Variants in NUDT7 observed in about 807,000 individuals in gnomAD.
The protein encoded by NUDT7 is nudix hydrolase 7, also known as peroxisomal coenzyme A diphosphatase NUDT7.
Under a neutral mutation model 13.1 loss-of-function variants are expected in NUDT7, and 19 were observed. The ratio of observed to expected loss-of-function variants is 1.45; its 90% CI spans 1.01 to 2.13. The LOEUF (loss-of-function observed/expected upper bound fraction) is 2.13. NUDT7 is among the 30% of genes most tolerant of loss of function. The pLI, the probability that NUDT7 is intolerant of heterozygous loss-of-function variation, is 0.00. For synonymous variants in NUDT7, 132 were observed against 109.7 expected (o/e 1.20, Z -1.27); for missense variants, 360 against 291.7 (o/e 1.23, Z -1.71).
At chr16:77,738,799 T>C (rs1225359244) in intron 3 of NUDT7, among the ~76,000 whole-genome samples, 1 of 152,220 alleles carries the variant, frequency 6.6e-6, no homozygotes, top group African/African-American at 2.4e-5. Context: ...TTTTCCCTTT[T>C]GTCAGACATT....
In NUDT7 at chr16:77,722,575, C is replaced by T. The variant is rs1038354825; in HGVS notation, c.-8C>T. On this transcript the variant is annotated 5_prime_UTR_variant, in exon 1 of 4. Coordinates refer to ENST00000268533, the MANE Select transcript of NUDT7 (RefSeq NM_001105663.3). ...GAGTCCGCCCGGAAACAAACATTCC[C>T]CAGGGCAATGTCACGACTTGGTCTT... The T allele has an allele frequency of 1.3e-6, 2 of 1,587,934 alleles. No individual in the cohort carries two copies. Among genetic ancestry groups the T allele is most frequent in the Non-Finnish European group, 8.6e-7 (1 of 1,166,448 alleles).
At chr16:77,732,196 C>T (rs572317084) in intron 2 of NUDT7, among the ~76,000 whole-genome samples, 2 of 152,034 alleles carry the variant, frequency 1.3e-5, no homozygotes, top group East Asian at 1.9e-4. Flanking sequence ...GGCATGCTGG[C>T]GGGTGCCTGT....
chr16:77,725,231 A>G (rs184959781), intron 1 of NUDT7, among the ~76,000 whole-genome samples, 200 bp from the exon 2 acceptor site: 97 of 152,332 alleles, frequency 6.4e-4, no homozygotes, highest in Admixed American at 1.7e-3. Context: ...TGTGCTTAGA[A>G]GGTTTTTTTG....
Position 77,742,144 on chromosome 16 carries a change from A to G in NUDT7, c.*194A>G. On this transcript the variant is annotated 3_prime_UTR_variant, in exon 4 of 4. Transcript: ENST00000268533. ...TAAAAGCCATTCAAAAATGAAAACT[A>G]TGTTCATAGTGTTGCATATTTTCAC... The G allele has an allele frequency of 4.6e-6, 6 of 1,296,796 alleles. No homozygotes were observed. Among genetic ancestry groups the G allele is most frequent in the Non-Finnish European group, 5.9e-6 (6 of 1,013,840 alleles). The allele number at this position is 1,296,796 out of a possible 1,614,324, so 80.3% of individuals were successfully genotyped here. A position where few individuals can be genotyped will look rare whatever the true frequency, so the allele number is the denominator to read the frequency against.
chr16:77,734,621 C>CA (rs971222303), intron 2 of NUDT7, among the ~76,000 whole-genome samples: 1 of 151,372 alleles, frequency 6.6e-6, no homozygotes, highest in Non-Finnish European at 1.5e-5. Flanking sequence ...GACTCCATGT[C>CA]AAAAAAGAAA....
chr16:77,736,205 G>T, intron 3 of NUDT7: 1 of 487,062 alleles, frequency 2.1e-6, no homozygotes, highest in Non-Finnish European at 3.7e-6. Context: ...AAATAAAAGG[G>T]TTGAACTCCC....
chr16:77,737,140 A>G (rs2014512670), intron 3 of NUDT7, among the ~76,000 whole-genome samples: 1 of 152,204 alleles, frequency 6.6e-6, no homozygotes, highest in African/African-American at 2.4e-5. Flanking sequence ...AACCAGTGTC[A>G]GCATGTTACT....
intron 3 of NUDT7, among the ~76,000 whole-genome samples, chr16:77,737,614 T>G (rs559309494): frequency 6.6e-5 from 10 of 152,176 alleles, no homozygotes; most frequent in African/African-American, 2.4e-4. Context: ...GCCTCCCCAG[T>G]AGCTGGGACT....
At chr16:77,725,358 C>A in intron 1 of NUDT7, 73 bp from the exon 2 acceptor site, 1 of 1,369,200 alleles carries the variant, frequency 7.3e-7, no homozygotes, top group Non-Finnish European at 1.0e-6. Flanking sequence ...AAAGCAGAAA[C>A]AGAGGCAGGA....
chr16:77,741,620 C>A lies in NUDT7; in HGVS notation c.387C>A (p.Asp129Glu), dbSNP rs756087779. 6.2e-7 allele frequency: 1 copy of A among 1,612,998 alleles called. No homozygotes were observed. The highest frequency in any genetic ancestry group is 8.5e-7 in the Non-Finnish European group (1 of 1,179,788). The change falls in exon 4 of 4, where the codon GAC becomes GAA. Residue 129 changes from aspartate (D) to glutamate (E), a missense_variant. Physicochemically the swap from Asp to Glu is conservative, Grantham distance 45 (BLOSUM62 2). Coordinates refer to ENST00000268533, the MANE Select transcript of NUDT7 (RefSeq NM_001105663.3). ...TLITPFVGLI[D>E]HNFQAQPNPA... ...TAACTCCATTTGTGGGTTTAATAGACCACAACTTCCAGGCCCAGCCGAATC... is the reference window on the plus strand; with the variant it reads ...TAACTCCATTTGTGGGTTTAATAGAACACAACTTCCAGGCCCAGCCGAATC...
chr16:77,727,114 C>T (rs1463136954), intron 2 of NUDT7, among the ~76,000 whole-genome samples: 1 of 152,104 alleles, frequency 6.6e-6, no homozygotes, highest in Non-Finnish European at 1.5e-5. Context: ...CACCTCCAAC[C>T]AGACCCCACC....
chr16:77,740,832 G>A (rs1597120723), intron 3 of NUDT7, among the ~76,000 whole-genome samples: 1 of 151,914 alleles, frequency 6.6e-6, no homozygotes, highest in Non-Finnish European at 1.5e-5. Flanking sequence ...ACAGGCGTGA[G>A]CCACCACACC....
chr16:77,733,332 T>A (rs1037023939), intron 2 of NUDT7, among the ~76,000 whole-genome samples: 1 of 152,150 alleles, frequency 6.6e-6, no homozygotes, highest in African/African-American at 2.4e-5. Context: ...GAGGGCCCTG[T>A]TTCAGTTCAT....
At chr16:77,730,102 A>G (rs1436800276) in intron 2 of NUDT7, among the ~76,000 whole-genome samples, 3 of 152,194 alleles carry the variant, frequency 2.0e-5, no homozygotes, top group Non-Finnish European at 2.9e-5. Flanking sequence ...GTCACCACAC[A>G]TAACATACTA....
At chr16:77,732,003 A>T (rs78409162) in intron 2 of NUDT7, among the ~76,000 whole-genome samples, 12,241 of 152,242 alleles carry the variant, frequency 0.08, 674 homozygotes, top group East Asian at 0.19. Context: ...AGTAAGAAGT[A>T]ATAGTAAGCT....
chr16:77,734,430 T>C (rs1322612323), intron 2 of NUDT7, among the ~76,000 whole-genome samples: 1 of 152,128 alleles, frequency 6.6e-6, no homozygotes, highest in Non-Finnish European at 1.5e-5. Context: ...GAGACCAGTC[T>C]GGCTAACATG....
At chr16:77,738,727 T>G (rs1175002342) in intron 3 of NUDT7, among the ~76,000 whole-genome samples, 1 of 152,182 alleles carries the variant, frequency 6.6e-6, no homozygotes, top group Non-Finnish European at 1.5e-5. Flanking sequence ...TGTATGCACC[T>G]ATGTATGTAC....
chr16:77,735,425 CCG>C, intron 2 of NUDT7: 1 of 642,844 alleles, frequency 1.6e-6, no homozygotes, highest in South Asian at 1.9e-5. Flanking sequence ...CCTTTACCTT[CCG>C]CCATGATTGT....
chr16:77,727,788 T>C (rs1454693168), intron 2 of NUDT7, among the ~76,000 whole-genome samples: 1 of 151,742 alleles, frequency 6.6e-6, no homozygotes, highest in Non-Finnish European at 1.5e-5. Flanking sequence ...ACCTGGGAGG[T>C]GGAGGTTGCA....
Sources: gnomAD v4.1 joint callset for allele counts (sites outside exome capture counted in the v4.1 genomes callset) on GRCh38, gnomAD v4.1.1 for gene constraint, MANE v1.5 for transcripts, NCBI Gene and HGNC (gene_info 2026-07-23, HGNC 2026-07-21) for gene names.